Variants in GNG7 observed in about 807,000 individuals in gnomAD.
GNG7 encodes guanine nucleotide-binding protein G(I)/G(S)/G(O) subunit gamma-7.
A neutral mutation model predicts 4.0 loss-of-function variants in GNG7; 1 was observed. The observed-to-expected ratio is 0.25, with a 90% CI of 0.09 to 1.18. The LOEUF is 1.18. Ranked by LOEUF, GNG7 falls within the 50% of genes most tolerant of loss-of-function variation. GNG7 has a pLI of 0.50. For missense variants in GNG7, 86 were observed against 91.9 expected (o/e 0.94, Z 0.26); for synonymous variants, 34 against 36.9 (o/e 0.92, Z 0.29).
rs772274892 is a variant in GNG7 at position 2,637,683 on chromosome 19, G to C, written c.-78+8541C>G. ...CCCCTCTACTGGGGCCTCCCCTTGC[G>C]TGTGTGGACATCAGAGCCTGATGAT... On this transcript the variant is annotated intron_variant, in intron 2 of 4. Transcript: ENST00000382159. Among the ~76,000 whole-genome samples, 74 of 152,234 alleles carry C rather than the reference G, an allele frequency of 4.9e-4. 1 individual carries two copies. The highest frequency in any genetic ancestry group is 2.9e-4 in the Non-Finnish European group (20 of 68,038).
intron 2 of GNG7, among the ~76,000 whole-genome samples, chr19:2,565,591 T>C (rs1008961170): frequency 7.3e-5 from 11 of 151,672 alleles, no homozygotes; most frequent in African/African-American, 2.4e-4. Flanking sequence ...ACTGAATCCA[T>C]GAGAACTGCA....
chr19:2,551,488 G>A (rs1012367094), intron 3 of GNG7, among the ~76,000 whole-genome samples: 1 of 104,008 alleles, frequency 9.6e-6, no homozygotes, highest in Non-Finnish European at 1.9e-5. Context: ...CTGCCGTGCT[G>A]GTAAATTATA....
At chr19:2,672,247 C>G (rs936433979) in intron 1 of GNG7, among the ~76,000 whole-genome samples, 11 of 151,970 alleles carry the variant, frequency 7.2e-5, no homozygotes, top group Admixed American at 6.6e-4. Context: ...GTGGGCCAGG[C>G]TAACCTCAAG....
At position 2,617,807 on chromosome 19, in the gene GNG7, C is replaced by A. The variant is rs528000132; in HGVS notation, c.-78+28417G>T. On this transcript the variant is annotated intron_variant, in intron 2 of 4. Coordinates refer to ENST00000382159, the MANE Select transcript of GNG7 (RefSeq NM_052847.3). This position sits in a 1 kb window ranked among gnomAD's most constrained non-coding sequence, Gnocchi z 4.7. ...AGTCACAGCTCACCGCAACCTCAGC[C>A]TCCTGGGCTCAAGTGATCCTCCTAC... 2.3e-4 allele frequency among the ~76,000 whole-genome samples: 35 copies of A among 152,068 alleles called. No homozygotes were observed. The South Asian group carries it at 5.8e-3, about 25-fold the overall frequency.
Position 2,642,646 on chromosome 19 carries a change from GC to G in GNG7, c.-78+3577del. The G allele has an allele frequency of 1.0e-5, 4 of 381,494 alleles. 1 individual carries two copies. The highest frequency in any genetic ancestry group is 7.8e-5 in the South Asian group (4 of 51,208). 23.6% of individuals were successfully genotyped at this position (381,494 alleles called of 1,614,324 possible). On this transcript the variant is annotated intron_variant, in intron 2 of 4. Coordinates refer to ENST00000382159, the MANE Select transcript of GNG7 (RefSeq NM_052847.3). ...CCCCCCACTAGCAGGGACTACAGGT[GC>G]GTGCCACCATACCTGTCTAATTTTC...
chr19:2,577,163 G>A lies in GNG7; in HGVS notation c.-77-21975C>T, dbSNP rs148598998. Among the ~76,000 whole-genome samples, 415 of 152,320 alleles carry A rather than the reference G, an allele frequency of 2.7e-3. 6 individuals are homozygous for A. The highest frequency in any genetic ancestry group is 0.024 in the Middle Eastern group (7 of 294). Reference sequence around the variant, plus strand: ...CGTAACCAATTGCCATCCATGTGGCGCCTTCCAACACACATCCACTTAGTA... The same window carrying A: ...CGTAACCAATTGCCATCCATGTGGCACCTTCCAACACACATCCACTTAGTA... On this transcript the variant is annotated intron_variant, in intron 2 of 4. Coordinates refer to ENST00000382159, the MANE Select transcript of GNG7 (RefSeq NM_052847.3).
At chr19:2,590,614 C>CATTT (rs150495448) in intron 2 of GNG7, among the ~76,000 whole-genome samples, 21,807 of 127,186 alleles carry the variant, frequency 0.17, 2,960 homozygotes, top group East Asian at 0.39. Context: ...CCCATCCATC[C>CATTT]ATCTATCCAT....
intron 2 of GNG7, among the ~76,000 whole-genome samples, chr19:2,624,269 C>T (rs1372729537): frequency 1.3e-5 from 2 of 152,044 alleles, no homozygotes; most frequent in African/African-American, 4.8e-5. Flanking sequence ...GTGGCTCACG[C>T]CTGTAATCCC....
At chr19:2,689,810 G>A (rs932678762) in intron 1 of GNG7, among the ~76,000 whole-genome samples, 2 of 151,900 alleles carry the variant, frequency 1.3e-5, no homozygotes, top group Non-Finnish European at 2.9e-5. Flanking sequence ...TGCATAAAGC[G>A]TGCGAGATGG....
chr19:2,581,987 T>TA (rs946382872), intron 2 of GNG7, among the ~76,000 whole-genome samples: 1 of 152,150 alleles, frequency 6.6e-6, no homozygotes, highest in African/African-American at 2.4e-5. Flanking sequence ...ACCCATCTCT[T>TA]GAAGTCATCA....
intron 1 of GNG7, among the ~76,000 whole-genome samples, chr19:2,684,209 T>G (rs1983814574): frequency 6.7e-6 from 1 of 149,520 alleles, no homozygotes; most frequent in African/African-American, 2.5e-5. Flanking sequence ...CGATCTCGGC[T>G]CACTGCAAGC....
chr19:2,594,448 A>AAGGAAGGAAGGAAGGG (rs61492364), intron 2 of GNG7, among the ~76,000 whole-genome samples: 1 of 94,274 alleles, frequency 1.1e-5, no homozygotes, highest in East Asian at 2.0e-4. Flanking sequence ...GGAAGGAAGG[A>AAGGAAGGAAGGAAGGG]GGAAGAAAGA....
At chr19:2,659,871 C>A (rs1371812403) in intron 1 of GNG7, among the ~76,000 whole-genome samples, 1 of 152,072 alleles carries the variant, frequency 6.6e-6, no homozygotes, top group African/African-American at 2.4e-5. Flanking sequence ...TCCCCTTCCA[C>A]AAGCTTCCTG....
intron 1 of GNG7, among the ~76,000 whole-genome samples, chr19:2,664,941 C>T (rs1451804761): frequency 6.6e-6 from 1 of 151,584 alleles, no homozygotes; most frequent in African/African-American, 2.4e-5. Flanking sequence ...GGCAGAATCA[C>T]CCTCAGTTGA....
chr19:2,644,211 G>T (rs1982596182), intron 2 of GNG7, among the ~76,000 whole-genome samples: 1 of 151,164 alleles, frequency 6.6e-6, no homozygotes, highest in Non-Finnish European at 1.5e-5. Flanking sequence ...AGTAGAAACG[G>T]GGTTTCGCCA....
Position 2,617,442 on chromosome 19 carries a change from C to G in GNG7, c.-78+28782G>C, listed in dbSNP as rs1981751606. 6.6e-6 allele frequency among the ~76,000 whole-genome samples: 1 copy of G among 152,184 alleles called. No homozygotes were observed. Among genetic ancestry groups the G allele is most frequent in the African/African-American group, 2.4e-5 (1 of 41,448 alleles). On this transcript the variant is annotated intron_variant, in intron 2 of 4. Coordinates refer to ENST00000382159, the MANE Select transcript of GNG7 (RefSeq NM_052847.3). The surrounding 1 kb of genome is among the most constrained non-coding windows in gnomAD (Gnocchi z 4.7). ...ATCAAGAAGCCACACTAGGTCACCTCAGACCAAGGACATTCTGCCATGATG... is the reference window on the plus strand; with the variant it reads ...ATCAAGAAGCCACACTAGGTCACCTGAGACCAAGGACATTCTGCCATGATG...
At chr19:2,649,677 C>T (rs1194673890) in intron 1 of GNG7, among the ~76,000 whole-genome samples, 3 of 152,172 alleles carry the variant, frequency 2.0e-5, no homozygotes, top group South Asian at 2.1e-4. Flanking sequence ...CGTGAGCCAC[C>T]GCGCCCAGCC....
intron 2 of GNG7, among the ~76,000 whole-genome samples, chr19:2,563,622 C>T (rs2907337): frequency 0.41 from 61,721 of 151,980 alleles, 12,889 homozygotes; most frequent in African/African-American, 0.51. Flanking sequence ...GTTGGAACTA[C>T]GGGTGTGCAC....
Position 2,512,863 on chromosome 19 carries a change from C to G in GNG7, c.*2159G>C, listed in dbSNP as rs968806968. ...GTCCTCCCAGGGTCTCTGGAACAGG[C>G]TTTTGTCCCTTCCTGCCATTCCTGC... is the stretch of plus-strand genomic sequence containing the variant. On this transcript the variant is annotated 3_prime_UTR_variant, in exon 5 of 5. Coordinates refer to ENST00000382159, the MANE Select transcript of GNG7 (RefSeq NM_052847.3). This position sits in a 1 kb window ranked among gnomAD's most constrained non-coding sequence, Gnocchi z 4.7. The G allele has an allele frequency of 1.0e-6, 1 of 979,572 alleles. No homozygotes were observed. Among genetic ancestry groups the G allele is most frequent in the Non-Finnish European group, 1.2e-6 (1 of 824,534 alleles). The allele number at this position is 979,572 out of a possible 1,614,324, so 60.7% of individuals were successfully genotyped here. A position where few individuals can be genotyped will look rare whatever the true frequency, so the allele number is the denominator to read the frequency against.
Sources: gnomAD v4.1 joint callset for allele counts (sites outside exome capture counted in the v4.1 genomes callset) on GRCh38, gnomAD v4.1.1 for gene constraint, Gnocchi (gnomAD v3.1) non-coding constraint, MANE v1.5 for transcripts, NCBI Gene and HGNC (gene_info 2026-07-23, HGNC 2026-07-21) for gene names.